Variants in CNOT6 observed in about 807,000 individuals in gnomAD.
The protein encoded by CNOT6 is CCR4-NOT transcription complex subunit 6, also known as carbon catabolite repression 4 protein.
A neutral mutation model predicts 61.2 loss-of-function variants in CNOT6; 12 were observed. The ratio of observed to expected loss-of-function variants is 0.20; its 90% CI spans 0.13 to 0.32. The LOEUF (loss-of-function observed/expected upper bound fraction) is 0.32, where lower values mean the gene tolerates loss of function less well. Ranked by LOEUF, CNOT6 falls within the 10% of genes least tolerant of loss-of-function variation. The probability of loss-of-function intolerance (pLI) is 1.00; values close to 1 mark genes in which losing one functional copy is unlikely to be tolerated. For synonymous variants in CNOT6, 225 were observed against 240.6 expected, an observed-to-expected ratio of 0.94 and a Z score of 0.60; for missense variants, 405 against 663.9, an observed-to-expected ratio of 0.61 and a Z score of 4.28.
chr5:180,522,922 C>T (rs1757942451), intron 1 of CNOT6, among the ~76,000 whole-genome samples: 2 of 152,306 alleles, frequency 1.3e-5, no homozygotes, highest in South Asian at 2.1e-4. Flanking sequence ...TTCTGTGAGC[C>T]GTTCTAACAA....
intron 2 of CNOT6, among the ~76,000 whole-genome samples, chr5:180,532,323 G>C (rs1758430768): frequency 6.6e-6 from 1 of 152,008 alleles, no homozygotes; most frequent in Non-Finnish European, 1.5e-5. Flanking sequence ...ACAGCATTAG[G>C]ATACGCAAGA....
chr5:180,529,042 G>C (rs13164926), intron 1 of CNOT6, among the ~76,000 whole-genome samples: 69,882 of 151,676 alleles, frequency 0.46, 17,224 homozygotes, highest in Non-Finnish European at 0.56. Flanking sequence ...AACCCCGTCT[G>C]TATTAAAAAT....
rs530687770 is a variant in CNOT6 at position 180,514,378 on chromosome 5, C to T, written c.-2-14897C>T. Among the ~76,000 whole-genome samples the T allele has an allele frequency of 3.9e-5, 6 of 152,162 alleles. No individual in the cohort carries two copies. In the South Asian group the frequency reaches 8.3e-4, roughly 21 times the overall value. On this transcript the variant is annotated intron_variant, in intron 1 of 11. Transcript: ENST00000261951. The stretch of plus-strand genomic sequence containing the variant: ...CAGAGGTTGCGGTGAGCCGAGATAG[C>T]GCCACTGCACTCCAGCCTAGGCGAA...
At chr5:180,545,154 A>G (rs1256682179) in intron 2 of CNOT6, among the ~76,000 whole-genome samples, 1 of 152,220 alleles carries the variant, frequency 6.6e-6, no homozygotes, top group African/African-American at 2.4e-5. Flanking sequence ...TTTATTATAC[A>G]GTTTTACTGA....
chr5:180,570,480 C>T (rs1760692726), intron 10 of CNOT6, among the ~76,000 whole-genome samples: 1 of 152,094 alleles, frequency 6.6e-6, no homozygotes. Flanking sequence ...GGGATTACTG[C>T]CCCTGAAGCA....
chr5:180,506,543 G>T (rs1191894612), intron 1 of CNOT6, among the ~76,000 whole-genome samples: 1 of 152,156 alleles, frequency 6.6e-6, no homozygotes, highest in African/African-American at 2.4e-5. Context: ...GCAGATAGGT[G>T]CCCAACACAC....
At chr5:180,519,027 A>C (rs1242723794) in intron 1 of CNOT6, among the ~76,000 whole-genome samples, 1 of 152,200 alleles carries the variant, frequency 6.6e-6, no homozygotes, top group East Asian at 1.9e-4. Flanking sequence ...TGGGTTCCTA[A>C]GATGAAGCTA....
rs777273359 is a variant in CNOT6, at chr5:180,567,973, G to C, written c.997G>C (p.Glu333Gln). 11 of 1,610,824 alleles carry C rather than the reference G, an allele frequency of 6.8e-6. No homozygotes were observed. The East Asian group carries it at 2.5e-4, about 36-fold the overall frequency. The stretch of plus-strand genomic sequence containing the variant: ...TAACATTGGGGTTGCAGTACTGCTA[G>C]AACTTCGGAAGGAATCGATTGAAAT... ...KDNIGVAVLL[E>Q]LRKESIEMPS... Residue 333 changes from glutamate to glutamine, a missense_variant, in exon 9 of 12, where the codon GAA (glutamate) becomes CAA (glutamine). By Grantham distance (29) the Glu-to-Gln change is conservative (BLOSUM62 2). Around this residue, in one of 5 missense-constraint regions of CNOT6, gnomAD observed 116 missense variants for 184.6 expected, o/e 0.63. Coordinates refer to ENST00000261951, the MANE Select transcript of CNOT6 (RefSeq NM_001370472.1).
intron 2 of CNOT6, among the ~76,000 whole-genome samples, chr5:180,546,815 G>A (rs1251673225): frequency 1.3e-5 from 2 of 152,190 alleles, no homozygotes; most frequent in Admixed American, 1.3e-4. Flanking sequence ...TACAGGTTGA[G>A]TATTGCTTAA....
intron 1 of CNOT6, among the ~76,000 whole-genome samples, chr5:180,511,347 C>T (rs1023580373): frequency 6.6e-6 from 1 of 151,934 alleles, no homozygotes; most frequent in Non-Finnish European, 1.5e-5. Context: ...GGCGGTGGCT[C>T]ACGCCTGTAA....
rs144040861 is a variant in CNOT6, at chr5:180,516,310, G to A, written c.-2-12965G>A. 3.7e-3 allele frequency among the ~76,000 whole-genome samples: 560 copies of A among 151,938 alleles called. 3 individuals are homozygous for A. The highest frequency in any genetic ancestry group is 0.012 in the African/African-American group (505 of 41,424). ...ATTCTCCTGCCTCAGCCTCCGAGTA[G>A]CTGGGACTACAGGCACATGCCACCA... On this transcript the variant is annotated intron_variant, in intron 1 of 11. Transcript: ENST00000261951.
chr5:180,501,589 A>G (rs919311490), intron 1 of CNOT6, among the ~76,000 whole-genome samples: 1 of 152,018 alleles, frequency 6.6e-6, no homozygotes, highest in Admixed American at 6.6e-5. Context: ...AATGTTTTTC[A>G]CCCTTTTGAC....
chr5:180,502,114 T>G (rs72811143), intron 1 of CNOT6, among the ~76,000 whole-genome samples: 2,874 of 152,304 alleles, frequency 0.019, 38 homozygotes, highest in Non-Finnish European at 0.027. Flanking sequence ...GGCACCTGTG[T>G]TAGTCACCAG....
In CNOT6 at chr5:180,553,463, G is replaced by T; in HGVS notation, c.377G>T (p.Gly126Val). ...AAACTGTTTCAGTTGCAGACTTTAG[G>T]CCTGAAAGGTATGACTTCCATATTT... ...LGKLFQLQTL[G>V]LKGNPLTQDI... The change falls in exon 4 of 12, where the codon GGC becomes GTC. Residue 126 changes from glycine (G) to valine (V), a missense_variant. By Grantham distance (109) the Gly-to-Val change is moderately radical. Transcript: ENST00000261951. 6.2e-7 allele frequency: 1 copy of T among 1,612,122 alleles called. No individual in the cohort carries two copies. Among genetic ancestry groups the T allele is most frequent in the Non-Finnish European group, 8.5e-7 (1 of 1,178,352 alleles).
intron 1 of CNOT6, among the ~76,000 whole-genome samples, chr5:180,527,155 G>A (rs1758138514): frequency 1.3e-5 from 2 of 152,160 alleles, no homozygotes; most frequent in South Asian, 4.1e-4. Flanking sequence ...CACTGTGCCT[G>A]AATCACAATA....
intron 4 of CNOT6, among the ~76,000 whole-genome samples, chr5:180,562,529 A>G (rs1013812410): frequency 2.0e-5 from 3 of 152,178 alleles, no homozygotes; most frequent in African/African-American, 7.2e-5. Context: ...TCACGAGGTC[A>G]GGAGATTGAG....
chr5:180,524,534 G>A (rs970819449), intron 1 of CNOT6, among the ~76,000 whole-genome samples: 3 of 152,030 alleles, frequency 2.0e-5, no homozygotes, highest in African/African-American at 7.2e-5. Context: ...GGCTTAAAAT[G>A]ATGAGTACTT....
At chr5:180,572,539 T>C (rs1760803234) in intron 11 of CNOT6, among the ~76,000 whole-genome samples, 1 of 151,954 alleles carries the variant, frequency 6.6e-6, no homozygotes, top group African/African-American at 2.4e-5. Flanking sequence ...TGTCACTTTC[T>C]TGTGTTCAAC....
intron 2 of CNOT6, among the ~76,000 whole-genome samples, chr5:180,544,182 C>T (rs1219260511): frequency 2.6e-5 from 4 of 152,114 alleles, no homozygotes; most frequent in Non-Finnish European, 5.9e-5. Flanking sequence ...GTTTTCTTTT[C>T]TCTCATTATA....
Sources: allele counts gnomAD v4.1 joint callset (sites outside exome capture counted in the v4.1 genomes callset), GRCh38; gene constraint gnomAD v4.1.1; regional missense constraint gnomAD v4.1.1; transcripts MANE v1.5; gene names NCBI Gene and HGNC (gene_info 2026-07-23, HGNC 2026-07-21).